The following PCDHGA1 variants were observed in gnomAD, a reference collection of about 807,000 sequenced individuals.
PCDHGA1 encodes the protein protocadherin gamma subfamily A, 1.
A neutral mutation model predicts 58.0 loss-of-function variants in PCDHGA1; 32 were observed. That is an observed-to-expected ratio of 0.55 (90% CI 0.42 to 0.74). PCDHGA1 has a LOEUF of 0.74. Among genes scored for constraint, PCDHGA1 ranks in the 30% least tolerant of loss-of-function variants. The pLI, the probability that PCDHGA1 is intolerant of heterozygous loss-of-function variation, is 0.00. For missense variants in PCDHGA1, 1,205 were observed against 1,182.3 expected, an observed-to-expected ratio of 1.02 and a Z score of -0.28; for synonymous variants, 498 against 501.1, an observed-to-expected ratio of 0.99 and a Z score of 0.08.
intron 1 of PCDHGA1, among the ~76,000 whole-genome samples, chr5:141,401,848 T>C (rs1476670200): frequency 6.6e-6 from 1 of 152,230 alleles, no homozygotes; most frequent in Non-Finnish European, 1.5e-5. Flanking sequence ...TACCACTTAC[T>C]TTTAACCTTT....
Position 141,491,573 on chromosome 5 carries a change from T to G in PCDHGA1, c.2422-3234T>G. The G allele has an allele frequency of 6.2e-7, 1 of 1,613,912 alleles. No individual in the cohort carries two copies. The highest frequency in any genetic ancestry group is 8.5e-7 in the Non-Finnish European group (1 of 1,180,030). The stretch of plus-strand genomic sequence containing the variant: ...CAGAGCCACTGCTACAGGACGTGCT[T>G]TTCACCGGCCTCGGACGGCAGTGAC... On this transcript the variant is annotated intron_variant, in intron 1 of 3. Transcript: ENST00000517417. The surrounding 1 kb of genome is among the most constrained non-coding windows in gnomAD (Gnocchi z 6.9).
Position 141,490,958 on chromosome 5 carries a change from A to T in PCDHGA1, c.2422-3849A>T, listed in dbSNP as rs771797392. 4.6e-5 allele frequency: 74 copies of T among 1,613,610 alleles called. No individual in the cohort carries two copies. The highest frequency in any genetic ancestry group is 1.6e-4 in the Middle Eastern group (1 of 6,084). ...CTGCACCCACGGCCAGACTGGGAAC[A>T]CTCAGCCCCCCAGCGTCTCCCTCGC... On this transcript the variant is annotated intron_variant, in intron 1 of 3. Coordinates refer to ENST00000517417, the MANE Select transcript of PCDHGA1 (RefSeq NM_018912.3). This position sits in a 1 kb window ranked among gnomAD's most constrained non-coding sequence, Gnocchi z 5.4.
intron 1 of PCDHGA1, chr5:141,377,740 A>G (rs1017037020): frequency 9.9e-5 from 15 of 152,232 alleles, no homozygotes; most frequent in African/African-American, 3.6e-4. Context: ...ATCATTGGTA[A>G]CTGCAGCAGG....
intron 1 of PCDHGA1, chr5:141,478,812 A>C: frequency 1.4e-6 from 2 of 1,453,554 alleles, no homozygotes; most frequent in Non-Finnish European, 1.8e-6. Context: ...TTGCTATCAC[A>C]ACTAACCAAT....
rs369794418 is a variant in PCDHGA1, at chr5:141,497,143, G to A, written c.2480+2278G>A. Among the ~76,000 whole-genome samples the A allele has an allele frequency of 7.3e-5, 11 of 150,108 alleles. No individual in the cohort carries two copies. In the East Asian group the frequency reaches 1.6e-3, roughly 21 times the overall value. On this transcript the variant is annotated intron_variant, in intron 2 of 3. Coordinates refer to ENST00000517417, the MANE Select transcript of PCDHGA1 (RefSeq NM_018912.3). ...AGAGGTTGCAGTGAGCTGAGATCAC[G>A]AAAAAAAAATAATCTAGCCACAAAT...
Position 141,511,843 on chromosome 5 carries a change from GT to G in PCDHGA1, c.*674del, listed in dbSNP as rs1413398495. On this transcript the variant is annotated 3_prime_UTR_variant, in exon 4 of 4. Coordinates refer to ENST00000517417, the MANE Select transcript of PCDHGA1 (RefSeq NM_018912.3). ...CCAACGCCCTGGGGACCAGTCTTCT[GT>G]TTTGTTTTTCATTGTTTGACGTTTC... 1 of 156,550 alleles carries G rather than the reference GT, an allele frequency of 6.4e-6. No individual in the cohort carries two copies. The highest frequency in any genetic ancestry group is 2.4e-5 in the African/African-American group (1 of 41,452). The allele number at this position is 156,550 out of a possible 1,614,324, so 9.7% of individuals were successfully genotyped here. A position where few individuals can be genotyped will look rare whatever the true frequency, so the allele number is the denominator to read the frequency against.
intron 1 of PCDHGA1, chr5:141,384,729 G>C: frequency 6.2e-7 from 1 of 1,614,122 alleles, no homozygotes; most frequent in Middle Eastern, 1.7e-4. Flanking sequence ...TCCTGCTTAA[G>C]GCCAGCGAGC....
At position 141,352,945 on chromosome 5, in the gene PCDHGA1, G is replaced by A. The variant is rs537480440; in HGVS notation, c.2421+19840G>A. ...GGAGATTGTAGTGAGCCAAGAGTGT[G>A]CCACTGCACTCCAGCCTGGGTGATG... On this transcript the variant is annotated intron_variant, in intron 1 of 3. Coordinates refer to ENST00000517417, the MANE Select transcript of PCDHGA1 (RefSeq NM_018912.3). Among the ~76,000 whole-genome samples the A allele has an allele frequency of 1.8e-4, 27 of 152,312 alleles. No individual in the cohort carries two copies. In the Middle Eastern group the frequency reaches 0.014, roughly 77 times the overall value.
intron 1 of PCDHGA1, among the ~76,000 whole-genome samples, chr5:141,467,039 A>G (rs1467529268): frequency 2.6e-5 from 4 of 150,960 alleles, no homozygotes; most frequent in Non-Finnish European, 5.9e-5. Context: ...TTTTTTGTGT[A>G]ATGAATCAAT....
At chr5:141,402,407 A>G (rs1365068565) in intron 1 of PCDHGA1, among the ~76,000 whole-genome samples, 1 of 152,106 alleles carries the variant, frequency 6.6e-6, no homozygotes, top group African/African-American at 2.4e-5. Context: ...AATTGTTAAG[A>G]TACACAGAAA....
Position 141,491,030 on chromosome 5 carries a change from C to T in PCDHGA1, c.2422-3777C>T. ...GTCACCAAGGTGACAGCCGTGGATG[C>T]TGATGCAGGCCACAATGCGTGGCTC... On this transcript the variant is annotated intron_variant, in intron 1 of 3. Transcript: ENST00000517417. The surrounding 1 kb of genome is among the most constrained non-coding windows in gnomAD (Gnocchi z 6.9). 6.2e-7 allele frequency: 1 copy of T among 1,614,148 alleles called. No individual in the cohort carries two copies. Among genetic ancestry groups the T allele is most frequent in the South Asian group, 1.1e-5 (1 of 91,088 alleles).
chr5:141,455,759 A>G (rs1013283124), intron 1 of PCDHGA1, among the ~76,000 whole-genome samples: 4 of 152,300 alleles, frequency 2.6e-5, no homozygotes, highest in South Asian at 4.1e-4. Context: ...CCTGGCTCCT[A>G]GAGCCGGGGC....
rs752708726 is a variant in PCDHGA1 at position 141,413,991 on chromosome 5, C to T, written c.2422-80816C>T. 1.9e-6 allele frequency: 3 copies of T among 1,613,494 alleles called. No homozygotes were observed. The East Asian group carries it at 6.7e-5, about 36-fold the overall frequency. ...AGCTGCTGACAGTCACAGCCACCGA[C>T]AGGGACGAAGGTGCCAATGGAGAAG... On this transcript the variant is annotated intron_variant, in intron 1 of 3. Coordinates refer to ENST00000517417, the MANE Select transcript of PCDHGA1 (RefSeq NM_018912.3).
chr5:141,463,572 C>A (rs1462125489), intron 1 of PCDHGA1, among the ~76,000 whole-genome samples: 2 of 151,572 alleles, frequency 1.3e-5, no homozygotes, highest in African/African-American at 4.9e-5. Context: ...CCTCAGCCTC[C>A]CGAGTAGCTG....
intron 1 of PCDHGA1, chr5:141,361,965 G>A (rs1279903156): frequency 2.5e-6 from 4 of 1,602,122 alleles, no homozygotes; most frequent in Admixed American, 3.4e-5. Context: ...ACGTGCTGCA[G>A]GCCAGCGAGC....
intron 1 of PCDHGA1, chr5:141,395,360 G>A (rs2093220996): frequency 3.9e-6 from 5 of 1,290,318 alleles, no homozygotes; most frequent in Non-Finnish European, 5.2e-6. Context: ...AGAGTTTTGG[G>A]TTTATTTTGG....
chr5:141,375,676 G>A, intron 1 of PCDHGA1: 1 of 1,614,220 alleles, frequency 6.2e-7, no homozygotes, highest in Middle Eastern at 1.6e-4. Flanking sequence ...TACAGCTGTG[G>A]GTGACAGCCA....
At chr5:141,339,706 C>CGAG (rs767349626) in intron 1 of PCDHGA1, 5 of 1,614,150 alleles carry the variant, frequency 3.1e-6, no homozygotes, top group Non-Finnish European at 4.2e-6. Flanking sequence ...TTACACAGCC[C>CGAG]GAGTACCGCA....
rs2097424370 is a variant in PCDHGA1, at chr5:141,431,859, C to G, written c.2422-62948C>G. On this transcript the variant is annotated intron_variant, in intron 1 of 3. Coordinates refer to ENST00000517417, the MANE Select transcript of PCDHGA1 (RefSeq NM_018912.3). The surrounding 1 kb of genome is among the most constrained non-coding windows in gnomAD (Gnocchi z 4.8). ...AACTCTCCCAGAGGGACATTAATTG[C>G]CCTTTTAAATGTAAATGACCAAGAT... is the stretch of plus-strand genomic sequence containing the variant. The G allele has an allele frequency of 1.2e-6, 2 of 1,614,060 alleles. No individual in the cohort carries two copies. Among genetic ancestry groups the G allele is most frequent in the Middle Eastern group, 3.3e-4 (2 of 6,084 alleles).
Sources: gnomAD v4.1 joint callset for allele counts (sites outside exome capture counted in the v4.1 genomes callset) on GRCh38, gnomAD v4.1.1 for gene constraint, Gnocchi (gnomAD v3.1) non-coding constraint, MANE v1.5 for transcripts, NCBI Gene and HGNC (gene_info 2026-07-23, HGNC 2026-07-21) for gene names.